The following PRKN variants were observed in gnomAD, a reference collection of about 807,000 sequenced individuals.
The protein encoded by PRKN is E3 ubiquitin-protein ligase parkin.
A neutral mutation model predicts 59.5 loss-of-function variants in PRKN; 56 were observed. That is an observed-to-expected ratio of 0.94 (90% CI 0.76 to 1.18). The LOEUF (loss-of-function observed/expected upper bound fraction) is 1.18. Among genes scored for constraint, PRKN ranks in the 50% most tolerant of loss-of-function variants. PRKN has a pLI of 0.00. For missense variants in PRKN, 657 were observed against 596.4 expected (o/e 1.10, Z -1.06); for synonymous variants, 250 against 222.1 (o/e 1.13, Z -1.12).
At chr6:161,784,607 T>C (rs1314152578) in intron 7 of PRKN, among the ~76,000 whole-genome samples, 2 of 152,124 alleles carry the variant, frequency 1.3e-5, no homozygotes, top group African/African-American at 4.8e-5. Flanking sequence ...GATGACTAGT[T>C]AGAAACAGTA....
At chr6:162,215,055 C>G (rs900835619) in intron 3 of PRKN, among the ~76,000 whole-genome samples, 1 of 152,096 alleles carries the variant, frequency 6.6e-6, no homozygotes, top group Admixed American at 6.6e-5. Flanking sequence ...CCCAGAAATA[C>G]CACTTCCTCT....
intron 4 of PRKN, among the ~76,000 whole-genome samples, chr6:162,109,446 G>A (rs1011230612): frequency 6.6e-6 from 1 of 152,194 alleles, no homozygotes; most frequent in African/African-American, 2.4e-5. Flanking sequence ...AAGTAATAAT[G>A]AGTGAGGACG....
intron 1 of PRKN, among the ~76,000 whole-genome samples, chr6:162,459,832 A>G (rs903964833): frequency 6.6e-6 from 1 of 152,234 alleles, no homozygotes; most frequent in African/African-American, 2.4e-5. Context: ...TACTTTCAGA[A>G]GCTCTAGTTG....
chr6:162,173,614 C>T (rs1783394812), intron 4 of PRKN, among the ~76,000 whole-genome samples: 1 of 151,502 alleles, frequency 6.6e-6, no homozygotes, highest in African/African-American at 2.4e-5. Flanking sequence ...TGGCCTACAA[C>T]ACTGTTTACT....
chr6:161,542,479 A>G (rs951098078), intron 9 of PRKN, among the ~76,000 whole-genome samples: 6 of 152,246 alleles, frequency 3.9e-5, no homozygotes, highest in Admixed American at 3.9e-4. Flanking sequence ...TTCTTTAACT[A>G]AAATAAATAC....
chr6:161,718,701 T>A (rs1787094562), intron 7 of PRKN, among the ~76,000 whole-genome samples: 1 of 152,162 alleles, frequency 6.6e-6, no homozygotes, highest in Non-Finnish European at 1.5e-5. Context: ...TCTGATGGCC[T>A]GATACCTGTT....
intron 7 of PRKN, among the ~76,000 whole-genome samples, chr6:161,663,734 A>T (rs373673695): frequency 6.6e-6 from 1 of 152,202 alleles, no homozygotes; most frequent in Non-Finnish European, 1.5e-5. Flanking sequence ...TAATAACAAT[A>T]TTTGGCCTAA....
At position 161,649,343 on chromosome 6, in the gene PRKN, T is replaced by C. The variant is rs185086433; in HGVS notation, c.872-79927A>G. On this transcript the variant is annotated intron_variant, in intron 7 of 11. Transcript: ENST00000366898. The stretch of plus-strand genomic sequence containing the variant: ...AGAACCAGGGCCATTCAACTCATTA[T>C]TGTCATGATGCAACAGTGAAGAAGT... Among the ~76,000 whole-genome samples, 6 of 152,360 alleles carry C rather than the reference T, an allele frequency of 3.9e-5. No individual in the cohort carries two copies. In the East Asian group the frequency reaches 7.7e-4, roughly 20 times the overall value.
At chr6:161,633,800 T>G (rs1783404418) in intron 7 of PRKN, among the ~76,000 whole-genome samples, 1 of 151,834 alleles carries the variant, frequency 6.6e-6, no homozygotes, top group Non-Finnish European at 1.5e-5. Context: ...GACAGAATCA[T>G]TCCACTCGAT....
At chr6:161,523,386 A>G (rs1362551982) in intron 9 of PRKN, among the ~76,000 whole-genome samples, 1 of 152,248 alleles carries the variant, frequency 6.6e-6, no homozygotes, top group East Asian at 1.9e-4. Flanking sequence ...AAATATGTTC[A>G]CATGTAACAA....
intron 3 of PRKN, among the ~76,000 whole-genome samples, chr6:162,224,443 C>T (rs139766511): frequency 2.0e-5 from 3 of 152,276 alleles, no homozygotes; most frequent in East Asian, 3.9e-4. Flanking sequence ...TGTAAGTCCA[C>T]TCCATGATGT....
At chr6:161,629,084 C>T (rs532938391) in intron 7 of PRKN, among the ~76,000 whole-genome samples, 6 of 152,248 alleles carry the variant, frequency 3.9e-5, no homozygotes, top group South Asian at 2.1e-4. Flanking sequence ...ATGGCGTCTT[C>T]GTGGAGCATG....
At chr6:161,866,382 T>C (rs1255543933) in intron 6 of PRKN, among the ~76,000 whole-genome samples, 4 of 152,256 alleles carry the variant, frequency 2.6e-5, no homozygotes, top group East Asian at 1.9e-4. Flanking sequence ...GAGACCATCC[T>C]GGCCAACACA....
chr6:161,430,547 G>T (rs1169831564), intron 9 of PRKN, among the ~76,000 whole-genome samples: 3 of 152,164 alleles, frequency 2.0e-5, no homozygotes, highest in Non-Finnish European at 4.4e-5. Context: ...CGGGCGTGGT[G>T]GCTCACGCCT....
At chr6:161,993,928 G>A (rs1191556186) in intron 5 of PRKN, among the ~76,000 whole-genome samples, 4 of 152,100 alleles carry the variant, frequency 2.6e-5, no homozygotes, top group African/African-American at 4.8e-5. Flanking sequence ...CAGCTTTCAT[G>A]AGAACTAATA....
At chr6:161,924,966 C>A (rs559981660) in intron 6 of PRKN, among the ~76,000 whole-genome samples, 1 of 152,234 alleles carries the variant, frequency 6.6e-6, no homozygotes, top group African/African-American at 2.4e-5. Flanking sequence ...GGGAACATGC[C>A]CAGAATTCAC....
chr6:162,212,072 G>C (rs1345599707), intron 3 of PRKN, among the ~76,000 whole-genome samples: 1 of 152,042 alleles, frequency 6.6e-6, no homozygotes, highest in Non-Finnish European at 1.5e-5. Context: ...CTCTTCACTG[G>C]TACTGTGGGA....
chr6:161,782,085 G>A (rs1243908343), intron 7 of PRKN, among the ~76,000 whole-genome samples: 3 of 152,176 alleles, frequency 2.0e-5, no homozygotes, highest in Non-Finnish European at 2.9e-5. Flanking sequence ...GTAATACTCT[G>A]ACAACAATAT....
At chr6:162,162,758 C>T (rs111401314) in intron 4 of PRKN, among the ~76,000 whole-genome samples, 12,136 of 150,018 alleles carry the variant, frequency 0.081, 634 homozygotes, top group African/African-American at 0.13. Context: ...GCCTGTAATC[C>T]CAGCACTTTG....
Sources: gnomAD v4.1 joint callset for allele counts (sites outside exome capture counted in the v4.1 genomes callset) on GRCh38, gnomAD v4.1.1 for gene constraint, MANE v1.5 for transcripts, NCBI Gene and HGNC (gene_info 2026-07-23, HGNC 2026-07-21) for gene names.